CNTN4: variants seen among roughly 807,000 people sequenced by gnomAD.
The protein encoded by CNTN4 is contactin-4.
In CNTN4, 77 loss-of-function variants were observed where a neutral mutation model predicts 122.5. The ratio of observed to expected loss-of-function variants is 0.63; its 90% CI spans 0.52 to 0.76. CNTN4 has a LOEUF of 0.76. Among genes scored for constraint, CNTN4 ranks in the 30% least tolerant of loss-of-function variants. CNTN4 has a pLI of 0.00. For synonymous variants in CNTN4, 512 were observed against 447.0 expected (o/e 1.15, Z -1.83); for missense variants, 1,256 against 1,259.1 (o/e 1.00, Z 0.04).
chr3:2,542,546 A>T (rs2078074916), intron 3 of CNTN4, among the ~76,000 whole-genome samples: 1 of 152,214 alleles, frequency 6.6e-6, no homozygotes, highest in Non-Finnish European at 1.5e-5. Context: ...GTGCCTAGCA[A>T]CCGCTGATAT....
In CNTN4 at chr3:2,885,036, G is replaced by A. The variant is rs541411334; in HGVS notation, c.755+1789G>A. 7.2e-5 allele frequency among the ~76,000 whole-genome samples: 11 copies of A among 152,268 alleles called. No homozygotes were observed. The East Asian group carries it at 1.9e-3, about 27-fold the overall frequency. On this transcript the variant is annotated intron_variant, in intron 9 of 24. Transcript: ENST00000418658. ...TTTTCATAGACCTTTTCTGCATTTT[G>A]AGTTAGTGTCTGTCTAACGAACTTA...
Position 2,822,119 on chromosome 3 carries a change from C to A in CNTN4, c.454+2538C>A, listed in dbSNP as rs551787955. On this transcript the variant is annotated intron_variant, in intron 7 of 24. Transcript: ENST00000418658. ...TGTTAGGATTTCTGGTTTTTGAAGA[C>A]TGACAGAAAATCTAGGTTTGATTTC... is the stretch of plus-strand genomic sequence containing the variant. 2.6e-5 allele frequency among the ~76,000 whole-genome samples: 4 copies of A among 152,292 alleles called. 1 individual carries two copies. Among genetic ancestry groups the A allele is most frequent in the African/African-American group, 9.6e-5 (4 of 41,572 alleles).
intron 13 of CNTN4, among the ~76,000 whole-genome samples, chr3:2,974,251 G>A (rs77108735): frequency 0.012 from 1,772 of 152,120 alleles, 36 homozygotes; most frequent in African/African-American, 0.04. Flanking sequence ...AGTAGATACT[G>A]GTTTCCATGT....
chr3:2,579,516 C>A (rs2079842031), intron 4 of CNTN4, among the ~76,000 whole-genome samples: 1 of 139,840 alleles, frequency 7.2e-6, no homozygotes, highest in South Asian at 2.5e-4. Context: ...GGTACATCAT[C>A]TCCCTAGGTC....
intron 13 of CNTN4, among the ~76,000 whole-genome samples, chr3:2,975,425 T>C (rs577476073): frequency 6.6e-6 from 1 of 152,308 alleles, no homozygotes; most frequent in South Asian, 2.1e-4. Flanking sequence ...TTTACTCCTC[T>C]GGATTTCATT....
intron 2 of CNTN4, among the ~76,000 whole-genome samples, chr3:2,290,301 T>C (rs530932948): frequency 2.6e-5 from 4 of 152,270 alleles, no homozygotes; most frequent in East Asian, 3.9e-4. Context: ...CCTGGAAATA[T>C]CCAGAGTGAT....
intron 2 of CNTN4, among the ~76,000 whole-genome samples, chr3:2,220,308 A>T (rs1438266427): frequency 2.6e-5 from 4 of 152,174 alleles, no homozygotes; most frequent in African/African-American, 9.6e-5. Context: ...GTAGGTGAGG[A>T]TGTTTTTGTT....
chr3:2,137,905 G>C (rs1157892982), intron 2 of CNTN4, among the ~76,000 whole-genome samples: 1 of 152,104 alleles, frequency 6.6e-6, no homozygotes, highest in Non-Finnish European at 1.5e-5. Flanking sequence ...CTTAATATCT[G>C]CTTCCTTGGA....
intron 12 of CNTN4, among the ~76,000 whole-genome samples, chr3:2,905,487 A>G (rs1350327994): frequency 6.6e-6 from 1 of 152,162 alleles, no homozygotes. Flanking sequence ...CCCATTCATA[A>G]GGTGCTTCAC....
chr3:2,211,027 G>C (rs932533084), intron 2 of CNTN4, among the ~76,000 whole-genome samples: 2 of 152,258 alleles, frequency 1.3e-5, no homozygotes, highest in African/African-American at 4.8e-5. Context: ...CCTGAAACTG[G>C]GTAATTTGTA....
intron 2 of CNTN4, among the ~76,000 whole-genome samples, chr3:2,123,489 T>A (rs1162835254): frequency 6.6e-6 from 1 of 152,190 alleles, no homozygotes; most frequent in African/African-American, 2.4e-5. Context: ...TTTCCTTTGG[T>A]TGGTCCAGCT....
chr3:2,573,387 G>A (rs999287045), intron 4 of CNTN4, among the ~76,000 whole-genome samples: 1 of 152,118 alleles, frequency 6.6e-6, no homozygotes, highest in Non-Finnish European at 1.5e-5. Context: ...TCTGGTCAGA[G>A]CCTTCATCTT....
chr3:2,591,287 A>T (rs952055079), intron 4 of CNTN4, among the ~76,000 whole-genome samples: 3 of 152,116 alleles, frequency 2.0e-5, no homozygotes, highest in African/African-American at 7.2e-5. Context: ...CCTTAAAGAA[A>T]TACAAGTCAA....
intron 6 of CNTN4, among the ~76,000 whole-genome samples, chr3:2,746,277 AAAGC>A (rs1446230715): frequency 2.0e-5 from 3 of 152,240 alleles, no homozygotes; most frequent in Non-Finnish European, 4.4e-5. Flanking sequence ...GAAAAAATTT[AAAGC>A]AACTGTAATA....
chr3:2,895,900 GC>G (rs1388876428), intron 10 of CNTN4, among the ~76,000 whole-genome samples: 1 of 152,230 alleles, frequency 6.6e-6, no homozygotes, highest in East Asian at 1.9e-4. Context: ...GAGCGTGGTG[GC>G]GGGCGCCTGT....
At chr3:2,394,540 G>C (rs2046567212) in intron 3 of CNTN4, among the ~76,000 whole-genome samples, 1 of 152,116 alleles carries the variant, frequency 6.6e-6, no homozygotes, top group East Asian at 1.9e-4. Context: ...TATATCCACT[G>C]AAATGGCTGA....
At chr3:3,045,660 A>G (rs748565020) in intron 23 of CNTN4, among the ~76,000 whole-genome samples, 3 of 152,218 alleles carry the variant, frequency 2.0e-5, no homozygotes, top group Admixed American at 6.5e-5. Context: ...AAAGGTAGAT[A>G]AAACCACAGA....
At chr3:2,375,963 T>C (rs1387637442) in intron 3 of CNTN4, among the ~76,000 whole-genome samples, 1 of 152,132 alleles carries the variant, frequency 6.6e-6, no homozygotes, top group Admixed American at 6.5e-5. Context: ...CTCTTTCAGC[T>C]TAATGGTTGA....
chr3:2,677,469 C>CATAGATATAGAG (rs1182568702), intron 4 of CNTN4, among the ~76,000 whole-genome samples: 40 of 104,280 alleles, frequency 3.8e-4, no homozygotes, highest in African/African-American at 9.2e-4. Flanking sequence ...TGTATCTATC[C>CATAGATATAGAG]ATCTATCCAT....
Sources: gnomAD v4.1 joint callset for allele counts (sites outside exome capture counted in the v4.1 genomes callset) on GRCh38, gnomAD v4.1.1 for gene constraint, MANE v1.5 for transcripts, NCBI Gene and HGNC (gene_info 2026-07-23, HGNC 2026-07-21) for gene names.